The following FRMD4A variants were observed in gnomAD, a reference collection of about 807,000 sequenced individuals.
FRMD4A encodes FERM domain containing 4A.
A neutral mutation model predicts 129.1 loss-of-function variants in FRMD4A; 29 were observed. That is an observed-to-expected ratio of 0.22 (90% CI 0.17 to 0.31). The LOEUF is 0.31. FRMD4A is among the 10% of genes least tolerant of loss of function. The pLI is 1.00. For synonymous variants in FRMD4A, 634 were observed against 571.6 expected (o/e 1.11, Z -1.56); for missense variants, 1,272 against 1,375.8 (o/e 0.92, Z 1.19).
At position 14,012,469 on chromosome 10, in the gene FRMD4A, T is replaced by C. The variant is rs114843116; in HGVS notation, c.46-153557A>G. 3.2e-3 allele frequency among the ~76,000 whole-genome samples: 486 copies of C among 152,238 alleles called. 2 individuals are homozygous for C. Among genetic ancestry groups the C allele is most frequent in the African/African-American group, 0.011 (442 of 41,540 alleles). Reference sequence around the variant, plus strand: ...GATGTATCAAAGCAAATGGGTGTTCTTGGTCACGAACAGCAGGGTGTGAAA... The same window carrying C: ...GATGTATCAAAGCAAATGGGTGTTCCTGGTCACGAACAGCAGGGTGTGAAA... On this transcript the variant is annotated intron_variant, in intron 2 of 24. Coordinates refer to ENST00000357447, the MANE Select transcript of FRMD4A (RefSeq NM_018027.5).
At chr10:13,958,600 CTTTT>C (rs35600004) in intron 2 of FRMD4A, among the ~76,000 whole-genome samples, 3 of 134,230 alleles carry the variant, frequency 2.2e-5, no homozygotes, top group Non-Finnish European at 3.2e-5. Context: ...TTCTTTCTTT[CTTTT>C]TTTTTTTCCC....
chr10:14,297,512 C>T (rs1045885860), intron 2 of FRMD4A, among the ~76,000 whole-genome samples: 6 of 152,158 alleles, frequency 3.9e-5, no homozygotes, highest in African/African-American at 1.4e-4. Context: ...CTCCAGGAAA[C>T]TTCATTTGTG....
At chr10:13,790,764 G>T (rs2092982205) in intron 5 of FRMD4A, among the ~76,000 whole-genome samples, 1 of 151,986 alleles carries the variant, frequency 6.6e-6, no homozygotes, top group Non-Finnish European at 1.5e-5. Flanking sequence ...GTGGGGAGGG[G>T]GTGACAGCAA....
chr10:13,879,018 C>T (rs575153957), intron 2 of FRMD4A, among the ~76,000 whole-genome samples: 30 of 152,286 alleles, frequency 2.0e-4, no homozygotes, highest in South Asian at 1.9e-3. Flanking sequence ...TACAGAGTTA[C>T]AATTCCTGAT....
chr10:14,247,696 G>A (rs1392229097), intron 2 of FRMD4A, among the ~76,000 whole-genome samples: 1 of 152,124 alleles, frequency 6.6e-6, no homozygotes, highest in Non-Finnish European at 1.5e-5. Flanking sequence ...AGGGAAGTCC[G>A]AGTGAAGAAG....
chr10:14,030,202 C>T (rs986476547), intron 2 of FRMD4A, among the ~76,000 whole-genome samples: 3 of 152,174 alleles, frequency 2.0e-5, no homozygotes, highest in African/African-American at 7.2e-5. Context: ...ACTGAGTTAA[C>T]AATGCTGTAC....
chr10:13,651,765 C>T (rs1043728707), intron 24 of FRMD4A, 138 bp downstream of exon 24: 4 of 609,514 alleles, frequency 6.6e-6, no homozygotes, highest in African/African-American at 5.0e-5. Context: ...AACATAGTTC[C>T]AGTTCCCCAT....
Position 14,330,029 on chromosome 10 carries a change from C to T in FRMD4A, c.45+29G>A, listed in dbSNP as rs145316852. ...AGGGGAGGCTGGAGTGGACGCTGCC[C>T]GGGCCCCACCTCCTGTCTGAACACT... On this transcript the variant is annotated intron_variant, in intron 2 of 24. Coordinates refer to ENST00000357447, the MANE Select transcript of FRMD4A (RefSeq NM_018027.5). 3.9e-4 allele frequency: 608 copies of T among 1,551,052 alleles called. 3 individuals are homozygous for T. In the African/African-American group the frequency reaches 7.1e-3, roughly 18 times the overall value.
chr10:14,288,463 T>A (rs534136011), intron 2 of FRMD4A, among the ~76,000 whole-genome samples: 3 of 152,200 alleles, frequency 2.0e-5, no homozygotes, highest in Non-Finnish European at 4.4e-5. Flanking sequence ...GCCATCACTA[T>A]GTGTTAATAA....
chr10:14,215,433 A>G (rs1589178013), intron 2 of FRMD4A, among the ~76,000 whole-genome samples: 1 of 152,202 alleles, frequency 6.6e-6, no homozygotes, highest in East Asian at 1.9e-4. Flanking sequence ...AATTATTAGG[A>G]CTATAGAATG....
intron 5 of FRMD4A, among the ~76,000 whole-genome samples, chr10:13,788,274 C>G (rs535904422): frequency 6.6e-6 from 1 of 152,298 alleles, no homozygotes; most frequent in African/African-American, 2.4e-5. Flanking sequence ...CCCTCACCAC[C>G]CTAGGGACAC....
At chr10:13,744,562 T>C (rs886270839) in intron 9 of FRMD4A, 2 of 152,228 alleles carry the variant, frequency 1.3e-5, no homozygotes, top group African/African-American at 2.4e-5. Context: ...TGATGAAAGC[T>C]ACCTGGCTAG....
intron 2 of FRMD4A, among the ~76,000 whole-genome samples, chr10:14,164,961 T>A (rs1225298180): frequency 6.6e-6 from 1 of 152,160 alleles, no homozygotes; most frequent in African/African-American, 2.4e-5. Flanking sequence ...CCTTCCAGTG[T>A]GGCCCAGGAA....
chr10:13,808,782 G>A (rs574287435), intron 4 of FRMD4A, among the ~76,000 whole-genome samples: 2 of 152,228 alleles, frequency 1.3e-5, no homozygotes, highest in African/African-American at 2.4e-5. Context: ...CTGGCTGGCC[G>A]CCACTCCTTC....
At chr10:14,131,299 A>G (rs4750468) in intron 2 of FRMD4A, among the ~76,000 whole-genome samples, 99,492 of 152,016 alleles carry the variant, frequency 0.65, 33,059 homozygotes, top group East Asian at 0.79. Flanking sequence ...CAGAAGCTTC[A>G]TTTGTTGAGG....
intron 2 of FRMD4A, among the ~76,000 whole-genome samples, chr10:14,157,348 A>G (rs1002757711): frequency 6.6e-6 from 1 of 152,174 alleles, no homozygotes; most frequent in African/African-American, 2.4e-5. Context: ...TCAGGTCATC[A>G]TCGCCTGCAT....
At chr10:13,820,500 A>C (rs924177968) in intron 3 of FRMD4A, among the ~76,000 whole-genome samples, 4 of 151,606 alleles carry the variant, frequency 2.6e-5, no homozygotes, top group African/African-American at 9.7e-5. Context: ...CATCTCACAG[A>C]TTCTAAGTCA....
At chr10:14,006,264 G>T (rs996002679) in intron 2 of FRMD4A, among the ~76,000 whole-genome samples, 11 of 152,196 alleles carry the variant, frequency 7.2e-5, no homozygotes, top group African/African-American at 2.7e-4. Flanking sequence ...TGTGCAGCGC[G>T]GGAGGGCCCC....
intron 2 of FRMD4A, among the ~76,000 whole-genome samples, chr10:14,250,213 G>A (rs1390260032): frequency 1.3e-5 from 2 of 152,028 alleles, no homozygotes; most frequent in African/African-American, 4.8e-5. Flanking sequence ...TGCCTGCCTC[G>A]GCCTCCCAAA....
Sources: allele counts gnomAD v4.1 joint callset (sites outside exome capture counted in the v4.1 genomes callset), GRCh38; gene constraint gnomAD v4.1.1; transcripts MANE v1.5; gene names NCBI Gene and HGNC (gene_info 2026-07-23, HGNC 2026-07-21).